The following GMPR variants were observed in gnomAD, a reference collection of about 807,000 sequenced individuals.
GMPR encodes guanosine monophosphate reductase.
GMPR carries 31 observed loss-of-function variants against 38.4 expected under a neutral mutation model. The ratio of observed to expected loss-of-function variants is 0.81; its 90% CI spans 0.61 to 1.09. The LOEUF (loss-of-function observed/expected upper bound fraction) is 1.09, where lower values mean the gene tolerates loss of function less well. Among genes scored for constraint, GMPR ranks in the 50% least tolerant of loss-of-function variants. GMPR has a pLI of 0.00. For missense variants in GMPR, 468 were observed against 453.7 expected (o/e 1.03, Z -0.29); for synonymous variants, 162 against 173.3 (o/e 0.93, Z 0.51).
At chr6:16,291,060 C>T (rs1239876577) in intron 8 of GMPR, among the ~76,000 whole-genome samples, 2 of 152,142 alleles carry the variant, frequency 1.3e-5, no homozygotes, top group Non-Finnish European at 2.9e-5. Flanking sequence ...TAGACCACTG[C>T]ACGGTGGCCA....
intron 7 of GMPR, among the ~76,000 whole-genome samples, chr6:16,287,846 T>A (rs1469240118): frequency 3.3e-5 from 5 of 152,222 alleles, no homozygotes; most frequent in Non-Finnish European, 5.9e-5. Context: ...AGCTCGCCTT[T>A]CTGTCATGCT....
At chr6:16,243,483 G>A (rs936171300) in intron 1 of GMPR, among the ~76,000 whole-genome samples, 4 of 152,214 alleles carry the variant, frequency 2.6e-5, no homozygotes, top group Non-Finnish European at 5.9e-5. Flanking sequence ...CTGGGGGCCA[G>A]AACACAGTAT....
intron 4 of GMPR, among the ~76,000 whole-genome samples, chr6:16,269,315 G>T (rs1759336250): frequency 6.6e-6 from 1 of 152,196 alleles, no homozygotes; most frequent in Admixed American, 6.5e-5. Flanking sequence ...CAGTAATGAG[G>T]GAGGTCTAGC....
chr6:16,285,032 A>C (rs6929288), intron 6 of GMPR, among the ~76,000 whole-genome samples: 5 of 100,704 alleles, frequency 5.0e-5, no homozygotes, highest in East Asian at 6.8e-4. Flanking sequence ...AAAAAAAAAA[A>C]CAAAAAAAAA....
chr6:16,268,928 A>G (rs1046113574), intron 4 of GMPR, among the ~76,000 whole-genome samples: 2 of 150,982 alleles, frequency 1.3e-5, no homozygotes, highest in African/African-American at 2.4e-5. Flanking sequence ...TTTTAAATAA[A>G]TTTAAATTTT....
At position 16,292,549 on chromosome 6, in the gene GMPR, G is replaced by A. The variant is rs144477342; in HGVS notation, c.857+1928G>A. Among the ~76,000 whole-genome samples the A allele has an allele frequency of 2.9e-3, 442 of 152,206 alleles. 2 individuals carry two copies. The highest frequency in any genetic ancestry group is 0.01 in the African/African-American group (424 of 41,512). On this transcript the variant is annotated intron_variant, in intron 8 of 8. Transcript: ENST00000259727. ...CCAAGCGGTCCCTGATAGAGGAGGA[G>A]GTTGCATGGTTGGGTAAGGAGGAGG... is the stretch of plus-strand genomic sequence containing the variant.
In GMPR at chr6:16,254,709, G is replaced by A. The variant is rs745661386; in HGVS notation, c.439G>A (p.Ala147Thr). 1.2e-6 allele frequency: 2 copies of A among 1,613,684 alleles called. No homozygotes were observed. The highest frequency in any genetic ancestry group is 2.2e-5 in the East Asian group (1 of 44,886). Residue 147 changes from alanine (A) to threonine (T), a missense_variant, in exon 4 of 9, where the codon GCC becomes ACC. Transcript: ENST00000259727. ...TGTGGAATTCGTGAAACTTGTCCGT[G>A]CCAAATTTCCTGAACACACCATTAT... ...HFVEFVKLVR[A>T]KFPEHTIMAG...
intron 4 of GMPR, among the ~76,000 whole-genome samples, chr6:16,258,517 A>G (rs1037733951): frequency 6.6e-6 from 1 of 152,356 alleles, no homozygotes; most frequent in South Asian, 2.1e-4. Flanking sequence ...AGATCGGTTC[A>G]GAGTTCCCAC....
At chr6:16,245,569 G>T (rs757698166) in intron 1 of GMPR, among the ~76,000 whole-genome samples, 64 of 152,340 alleles carry the variant, frequency 4.2e-4, no homozygotes, top group South Asian at 6.2e-4. Flanking sequence ...CCTCTGGCCA[G>T]TTCCCCTTGG....
intron 1 of GMPR, among the ~76,000 whole-genome samples, chr6:16,243,075 G>C (rs1017845973): frequency 7.2e-5 from 11 of 151,996 alleles, no homozygotes; most frequent in Admixed American, 3.9e-4. Context: ...TTGGGGGCGG[G>C]GGGGAGACAT....
At chr6:16,275,008 A>G (rs939487512) in intron 5 of GMPR, among the ~76,000 whole-genome samples, 5 of 152,094 alleles carry the variant, frequency 3.3e-5, no homozygotes, top group Admixed American at 6.5e-5. Flanking sequence ...GATTTTGCCC[A>G]TGTTCTTCTC....
At chr6:16,289,097 G>C (rs11969354) in intron 7 of GMPR, among the ~76,000 whole-genome samples, 1 of 152,102 alleles carries the variant, frequency 6.6e-6, no homozygotes, top group Admixed American at 6.5e-5. Flanking sequence ...CTTTGCAATA[G>C]ATTCTGTTGC....
chr6:16,265,972 T>C (rs1005976553), intron 4 of GMPR, among the ~76,000 whole-genome samples: 1 of 152,088 alleles, frequency 6.6e-6, no homozygotes, highest in Non-Finnish European at 1.5e-5. Context: ...GGAACAATTG[T>C]GGATGTGCAA....
chr6:16,259,870 G>C (rs1369529356), intron 4 of GMPR, among the ~76,000 whole-genome samples: 1 of 152,132 alleles, frequency 6.6e-6, no homozygotes, highest in Non-Finnish European at 1.5e-5. Context: ...ATAGCACCAG[G>C]AGATATCAGC....
chr6:16,274,419 G>C lies in GMPR; in HGVS notation c.470G>C (p.Gly157Ala). The C allele has an allele frequency of 6.3e-7, 1 of 1,591,876 alleles. No homozygotes were observed. The highest frequency in any genetic ancestry group is 8.6e-7 in the Non-Finnish European group (1 of 1,159,780). The change falls in exon 5 of 9, where the codon GGG becomes GCG. Residue 157 changes from glycine (G) to alanine (A), a missense_variant. Transcript: ENST00000259727. The part of the protein sequence containing the change: ...AKFPEHTIMA[G>A]NVVTGEMVEE... ...GCTGTATTCTTTCTGTCTCAGGCAG[G>C]GAACGTGGTGACAGGAGAAATGGTA...
At chr6:16,287,535 A>G (rs1759710998) in intron 7 of GMPR, among the ~76,000 whole-genome samples, 1 of 152,190 alleles carries the variant, frequency 6.6e-6, no homozygotes, top group African/African-American at 2.4e-5. Flanking sequence ...TTGTCAGGGA[A>G]GGATGCAAGG....
At chr6:16,242,857 T>G (rs1301254757) in intron 1 of GMPR, among the ~76,000 whole-genome samples, 1 of 152,172 alleles carries the variant, frequency 6.6e-6, no homozygotes, top group African/African-American at 2.4e-5. Context: ...AGGCTGGTCT[T>G]GAACTCTCGA....
intron 4 of GMPR, among the ~76,000 whole-genome samples, chr6:16,264,154 C>T (rs1021045811): frequency 6.6e-6 from 1 of 151,942 alleles, no homozygotes; most frequent in Admixed American, 6.6e-5. Flanking sequence ...GCTGCCTTCC[C>T]TAGTCTGTGA....
In GMPR at chr6:16,239,344, G is replaced by A. The variant is rs567829065; in HGVS notation, c.87+564G>A. ...GGGACTCAGCGGTACTGGACAGCCC[G>A]CGGTCCCAGCCTAGCCCTGGAGAAG... On this transcript the variant is annotated intron_variant, in intron 1 of 8. Transcript: ENST00000259727. Among the ~76,000 whole-genome samples, 10 of 152,292 alleles carry A rather than the reference G, an allele frequency of 6.6e-5. No individual in the cohort carries two copies. In the South Asian group the frequency reaches 1.7e-3, roughly 25 times the overall value.
Sources: allele counts gnomAD v4.1 joint callset (sites outside exome capture counted in the v4.1 genomes callset), GRCh38; gene constraint gnomAD v4.1.1; transcripts MANE v1.5; gene names NCBI Gene and HGNC (gene_info 2026-07-23, HGNC 2026-07-21).